IGSF10: variants seen among roughly 807,000 people sequenced by gnomAD.
IGSF10 encodes the protein immunoglobulin superfamily member 10, also known as calvaria mechanical force protein 608.
In IGSF10, 126 loss-of-function variants were observed where a neutral mutation model predicts 128.2. The observed-to-expected ratio is 0.98, with a 90% CI of 0.85 to 1.14. The LOEUF (loss-of-function observed/expected upper bound fraction) is 1.14, where lower values mean the gene tolerates loss of function less well. IGSF10 is among the 50% of genes most tolerant of loss of function. The pLI is 0.00. For synonymous variants in IGSF10, 1,185 were observed against 1,146.2 expected, an observed-to-expected ratio of 1.03 and a Z score of -0.68; for missense variants, 3,295 against 3,149.8, an observed-to-expected ratio of 1.05 and a Z score of -1.10.
chr3:151,454,057 G>A (rs372874840), intron 4 of IGSF10, among the ~76,000 whole-genome samples: 10 of 139,412 alleles, frequency 7.2e-5, no homozygotes, highest in South Asian at 4.4e-4. Flanking sequence ...TTGCTCTGTC[G>A]CCCAGGCTGG....
chr3:151,527,490 A>C, the IGSF10 span, among the ~76,000 whole-genome samples: 3 of 152,196 alleles, frequency 2.0e-5, no homozygotes, highest in African/African-American at 7.2e-5. Context: ...TTTGACTTAC[A>C]TAACTTTTGT....
intron 6 of IGSF10, among the ~76,000 whole-genome samples, chr3:151,444,593 G>T (rs966821711): frequency 2.0e-5 from 3 of 152,182 alleles, no homozygotes; most frequent in Non-Finnish European, 4.4e-5. Context: ...TTACAGACGT[G>T]AGCCACTGTG....
chr3:151,471,690 A>G, the IGSF10 span, among the ~76,000 whole-genome samples: 1 of 152,216 alleles, frequency 6.6e-6, no homozygotes, highest in Non-Finnish European at 1.5e-5. Context: ...ATTGACTCAA[A>G]GTAGATGAAC....
At chr3:151,512,670 C>T in the IGSF10 span, among the ~76,000 whole-genome samples, 1 of 152,072 alleles carries the variant, frequency 6.6e-6, no homozygotes, top group Admixed American at 6.6e-5. Flanking sequence ...ATCAATGAAT[C>T]CAGGAGCTGG....
At chr3:151,465,037 A>C (rs1011741406), upstream of IGSF10, among the ~76,000 whole-genome samples, 16 of 152,206 alleles carry the variant, frequency 1.1e-4, no homozygotes, top group African/African-American at 2.4e-5. Flanking sequence ...TCCTCTTATA[A>C]GTCCATGGAC....
the IGSF10 span, among the ~76,000 whole-genome samples, chr3:151,576,132 C>T: frequency 2.0e-5 from 3 of 151,604 alleles, no homozygotes; most frequent in Non-Finnish European, 4.4e-5. Context: ...TCTTAATTTA[C>T]CTCTTCCAGT....
chr3:151,610,266 T>G, the IGSF10 span, among the ~76,000 whole-genome samples: 1 of 152,212 alleles, frequency 6.6e-6, no homozygotes, highest in Non-Finnish European at 1.5e-5. Flanking sequence ...GAGTAGTGAA[T>G]CTGTCATTCA....
the IGSF10 span, among the ~76,000 whole-genome samples, chr3:151,520,877 A>G: frequency 6.6e-6 from 1 of 151,898 alleles, no homozygotes; most frequent in Admixed American, 6.6e-5. Flanking sequence ...CACACATATC[A>G]ATACTAACCT....
chr3:151,480,882 C>T, the IGSF10 span, among the ~76,000 whole-genome samples: 1 of 152,108 alleles, frequency 6.6e-6, no homozygotes, highest in East Asian at 1.9e-4. Context: ...TCACCCCATT[C>T]CCCCAGCAAC....
At chr3:151,518,062 G>C in the IGSF10 span, among the ~76,000 whole-genome samples, 12 of 151,856 alleles carry the variant, frequency 7.9e-5, no homozygotes, top group Non-Finnish European at 1.2e-4. Flanking sequence ...GACCAAAAGG[G>C]GTAATTGTTA....
rs114602596 is a variant in IGSF10, at chr3:151,456,033, G to A, written c.324+993C>T. 4.0e-3 allele frequency among the ~76,000 whole-genome samples: 607 copies of A among 152,300 alleles called. 3 individuals are homozygous for A. The highest frequency in any genetic ancestry group is 0.014 in the African/African-American group (575 of 41,564). ...GCTTTGCCCCAAATGTAACCTGGGA[G>A]TTCAATCTCCAACTCAATGTTCCTC... On this transcript the variant is annotated intron_variant, in intron 4 of 7. Transcript: ENST00000282466.
chr3:151,608,487 G>A, the IGSF10 span, among the ~76,000 whole-genome samples: 1 of 152,178 alleles, frequency 6.6e-6, no homozygotes, highest in Admixed American at 6.5e-5. Context: ...AGCAAATGTT[G>A]TTGTCCATAG....
chr3:151,471,707 C>T, the IGSF10 span, among the ~76,000 whole-genome samples: 3 of 152,196 alleles, frequency 2.0e-5, no homozygotes, highest in African/African-American at 7.2e-5. Context: ...GAACTCTTTT[C>T]TGCTATCCTT....
the IGSF10 span, among the ~76,000 whole-genome samples, chr3:151,564,574 T>C: frequency 6.6e-6 from 1 of 152,208 alleles, no homozygotes; most frequent in Non-Finnish European, 1.5e-5. Flanking sequence ...CATGGAAATA[T>C]TAGGCTGGAC....
the IGSF10 span, among the ~76,000 whole-genome samples, chr3:151,500,638 A>G: frequency 6.6e-6 from 1 of 152,168 alleles, no homozygotes. Flanking sequence ...ATCCCAATTT[A>G]CAAATGAAGA....
the IGSF10 span, among the ~76,000 whole-genome samples, chr3:151,577,018 A>C: frequency 8.5e-5 from 13 of 152,156 alleles, no homozygotes; most frequent in Non-Finnish European, 1.6e-4. Context: ...TCCTGCACAA[A>C]GCCAAGGCCT....
the IGSF10 span, among the ~76,000 whole-genome samples, chr3:151,570,339 A>G: frequency 1.3e-5 from 2 of 152,202 alleles, no homozygotes; most frequent in African/African-American, 4.8e-5. Context: ...GAACTAGTTT[A>G]CAGTCCCACC....
chr3:151,454,009 TTTTC>T (rs1043624368), intron 4 of IGSF10, among the ~76,000 whole-genome samples: 7 of 126,052 alleles, frequency 5.6e-5, no homozygotes, highest in African/African-American at 1.6e-4. Context: ...ATATTTCTTT[TTTTC>T]TTTTTCTTTT....
the IGSF10 span, among the ~76,000 whole-genome samples, chr3:151,580,242 A>G: frequency 6.6e-6 from 1 of 152,158 alleles, no homozygotes; most frequent in East Asian, 1.9e-4. Flanking sequence ...CAGTTAATAT[A>G]CTACTGAAAA....
Sources: gnomAD v4.1 joint callset for allele counts (sites outside exome capture counted in the v4.1 genomes callset) on GRCh38, gnomAD v4.1.1 for gene constraint, MANE v1.5 for transcripts, NCBI Gene and HGNC (gene_info 2026-07-23, HGNC 2026-07-21) for gene names.